The following KCNH7 variants were observed in gnomAD, a reference collection of about 807,000 sequenced individuals.
The protein encoded by KCNH7 is voltage-gated inwardly rectifying potassium channel KCNH7.
Under a neutral mutation model 120.8 loss-of-function variants are expected in KCNH7, and 49 were observed. The ratio of observed to expected loss-of-function variants is 0.41; its 90% confidence interval spans 0.32 to 0.51. The LOEUF (loss-of-function observed/expected upper bound fraction) is 0.51. Ranked by LOEUF, KCNH7 falls within the 20% of genes least tolerant of loss-of-function variation. KCNH7 has a pLI of 0.38. For synonymous variants in KCNH7, 547 were observed against 516.1 expected (o/e 1.06, Z -0.81); for missense variants, 1,097 against 1,446.6 (o/e 0.76, Z 3.92).
chr2:162,718,152 CT>C (rs2105369091), intron 2 of KCNH7, among the ~76,000 whole-genome samples: 1 of 151,912 alleles, frequency 6.6e-6, no homozygotes, highest in Non-Finnish European at 1.5e-5. Context: ...TCTCTTAACA[CT>C]TGACAGAGAA....
chr2:162,833,685 G>C (rs944642895), intron 2 of KCNH7, among the ~76,000 whole-genome samples: 28 of 152,256 alleles, frequency 1.8e-4, no homozygotes, highest in Admixed American at 1.4e-3. Flanking sequence ...CAGAAGCATA[G>C]TAGGAAGTGG....
intron 2 of KCNH7, among the ~76,000 whole-genome samples, chr2:162,751,917 C>T (rs1688565035): frequency 2.0e-5 from 3 of 151,628 alleles, no homozygotes; most frequent in Non-Finnish European, 2.9e-5. Flanking sequence ...CTGAATTTTC[C>T]AGCAGAAAGA....
intron 9 of KCNH7, among the ~76,000 whole-genome samples, chr2:162,417,803 A>G (rs188072012): frequency 5.9e-5 from 9 of 152,308 alleles, no homozygotes; most frequent in Admixed American, 1.3e-4. Flanking sequence ...CAAGATGAAC[A>G]TGTACCATTT....
intron 6 of KCNH7, among the ~76,000 whole-genome samples, chr2:162,494,637 G>T (rs1690433653): frequency 6.6e-6 from 1 of 151,994 alleles, no homozygotes. Context: ...AAATTTCTTT[G>T]TCAATCATGT....
At chr2:162,806,725 A>T (rs1230864705) in intron 2 of KCNH7, among the ~76,000 whole-genome samples, 1 of 152,204 alleles carries the variant, frequency 6.6e-6, no homozygotes, top group Non-Finnish European at 1.5e-5. Flanking sequence ...CATCCACACC[A>T]CTAGCAATAC....
chr2:162,473,560 TGAA>T (rs1249820124), intron 6 of KCNH7, among the ~76,000 whole-genome samples: 1 of 152,068 alleles, frequency 6.6e-6, no homozygotes, highest in Non-Finnish European at 1.5e-5. Flanking sequence ...GATGAAGAAA[TGAA>T]GAAGGAGACT....
chr2:162,675,365 T>A (rs1459325733), intron 2 of KCNH7, among the ~76,000 whole-genome samples: 1 of 151,492 alleles, frequency 6.6e-6, no homozygotes, highest in Non-Finnish European at 1.5e-5. Flanking sequence ...CATGGACTCC[T>A]GAAGAAAATA....
chr2:162,765,488 G>A (rs1429196469), intron 2 of KCNH7, among the ~76,000 whole-genome samples: 1 of 152,164 alleles, frequency 6.6e-6, no homozygotes, highest in East Asian at 1.9e-4. Context: ...GTCCTTTGCT[G>A]TGTGCTGGAA....
intron 2 of KCNH7, among the ~76,000 whole-genome samples, chr2:162,808,779 CA>C (rs1168963076): frequency 2.0e-5 from 3 of 151,704 alleles, no homozygotes; most frequent in Admixed American, 6.6e-5. Flanking sequence ...TTATATTTTT[CA>C]TAAAGAAATT....
intron 2 of KCNH7, among the ~76,000 whole-genome samples, chr2:162,827,949 G>C (rs143996453): frequency 2.8e-4 from 43 of 152,232 alleles, no homozygotes; most frequent in Non-Finnish European, 5.9e-4. Context: ...ATCCTGAGTA[G>C]AGGGCTGGTG....
At chr2:162,402,312 T>C (rs566174811) in intron 9 of KCNH7, among the ~76,000 whole-genome samples, 5 of 149,626 alleles carry the variant, frequency 3.3e-5, no homozygotes, top group Non-Finnish European at 6.0e-5. Flanking sequence ...AACCACTTCA[T>C]TGGACTCTTT....
intron 2 of KCNH7, among the ~76,000 whole-genome samples, chr2:162,788,988 T>TAAAAAAAAAAAAAAAAAAAAAAA (rs61348204): frequency 9.5e-6 from 1 of 105,142 alleles, no homozygotes. Context: ...AGGTACTGGT[T>TAAAAAAAAAAAAAAAAAAAAAAA]AAAAAAAAAA....
At chr2:162,691,161 G>A (rs1686088718) in intron 2 of KCNH7, among the ~76,000 whole-genome samples, 1 of 152,106 alleles carries the variant, frequency 6.6e-6, no homozygotes, top group Admixed American at 6.6e-5. Context: ...GAGATTAAAT[G>A]ACTATACACC....
intron 6 of KCNH7, among the ~76,000 whole-genome samples, chr2:162,499,830 T>C (rs901029086): frequency 6.6e-6 from 1 of 152,102 alleles, no homozygotes; most frequent in Non-Finnish European, 1.5e-5. Flanking sequence ...GATTCCCACA[T>C]GTGTTTCACT....
chr2:162,702,761 T>C (rs1337013221), intron 2 of KCNH7, among the ~76,000 whole-genome samples: 25 of 152,172 alleles, frequency 1.6e-4, no homozygotes, highest in Admixed American at 1.6e-3. Context: ...TTCTCCTAAC[T>C]CTTGATTTTA....
Position 162,371,768 on chromosome 2 carries a change from A to T in KCNH7, c.*61T>A. On this transcript the variant is annotated 3_prime_UTR_variant, in exon 16 of 16. Coordinates refer to ENST00000332142, the MANE Select transcript of KCNH7 (RefSeq NM_033272.4). ...AGTCAAGTAGAGAGGATTTAAATAG[A>T]AAAAGGAAAACAGCCATTAAAAGCA... The T allele has an allele frequency of 6.8e-7, 1 of 1,470,126 alleles. No homozygotes were observed. The highest frequency in any genetic ancestry group is 2.3e-5 in the East Asian group (1 of 43,324). 91.1% of individuals were successfully genotyped at this position (1,470,126 alleles called of 1,614,324 possible). A position where few individuals can be genotyped will look rare whatever the true frequency, so the allele number is the denominator to read the frequency against.
At chr2:162,463,381 C>T (rs748709127) in intron 6 of KCNH7, among the ~76,000 whole-genome samples, 3 of 151,168 alleles carry the variant, frequency 2.0e-5, no homozygotes, top group Non-Finnish European at 4.4e-5. Flanking sequence ...TTTCTCCTTC[C>T]ACAATAAAAA....
intron 2 of KCNH7, among the ~76,000 whole-genome samples, chr2:162,589,368 AT>A (rs1249787314): frequency 6.6e-6 from 1 of 152,016 alleles, no homozygotes; most frequent in Non-Finnish European, 1.5e-5. Context: ...GCTTAGATGC[AT>A]TGCCATGATC....
At chr2:162,621,274 T>TTTTTTTTTTTC (rs1440746339) in intron 2 of KCNH7, among the ~76,000 whole-genome samples, 1 of 141,930 alleles carries the variant, frequency 7.0e-6, no homozygotes, top group Non-Finnish European at 1.5e-5. Flanking sequence ...TTTTTTTTTT[T>TTTTTTTTTTTC]TTTAAGAGAG....
Sources: gnomAD v4.1 joint callset for allele counts (sites outside exome capture counted in the v4.1 genomes callset) on GRCh38, gnomAD v4.1.1 for gene constraint, MANE v1.5 for transcripts, NCBI Gene and HGNC (gene_info 2026-07-23, HGNC 2026-07-21) for gene names.